Variants in SH3BGR observed in about 807,000 individuals in gnomAD.
The protein encoded by SH3BGR is SH3 domain-binding glutamic acid-rich protein.
A neutral mutation model predicts 24.5 loss-of-function variants in SH3BGR; 29 were observed. The ratio of observed to expected loss-of-function variants is 1.18; its 90% confidence interval spans 0.88 to 1.61. The LOEUF is 1.61. Among genes scored for constraint, SH3BGR ranks in the 40% most tolerant of loss-of-function variants. The pLI is 0.00. For synonymous variants in SH3BGR, 55 were observed against 65.7 expected (o/e 0.84, Z 0.79); for missense variants, 162 against 205.8 (o/e 0.79, Z 1.30).
At chr21:39,464,379 C>G (rs571857942) in intron 2 of SH3BGR, among the ~76,000 whole-genome samples, 1 of 152,110 alleles carries the variant, frequency 6.6e-6, no homozygotes, top group Non-Finnish European at 1.5e-5. Context: ...TGTGCCACTA[C>G]GCCTGGCTAA....
intron 2 of SH3BGR, among the ~76,000 whole-genome samples, chr21:39,463,632 T>G (rs114153991): frequency 0.014 from 2,116 of 152,362 alleles, 43 homozygotes; most frequent in African/African-American, 0.048. Context: ...AATTGTTTAC[T>G]GCCACTGTCT....
At chr21:39,464,361 T>C (rs2077806166) in intron 2 of SH3BGR, among the ~76,000 whole-genome samples, 1 of 152,206 alleles carries the variant, frequency 6.6e-6, no homozygotes, top group Non-Finnish European at 1.5e-5. Context: ...TAGCTGAGAT[T>C]ACAGGCGTGT....
In SH3BGR at chr21:39,467,966, C is replaced by A. The variant is rs146111170; in HGVS notation, c.231+5406C>A. Among the ~76,000 whole-genome samples the A allele has an allele frequency of 5.3e-5, 8 of 152,326 alleles. No homozygotes were observed. The East Asian group carries it at 1.5e-3, about 29-fold the overall frequency. On this transcript the variant is annotated intron_variant, in intron 2 of 6. Coordinates refer to ENST00000333634, the MANE Select transcript of SH3BGR (RefSeq NM_007341.3). The stretch of plus-strand genomic sequence containing the variant: ...GGCACAGTTGAGGCCAGGCTCCCCG[C>A]CTGACAGAGGAATGTGAACTGGAAA...
At position 39,473,181 on chromosome 21, in the gene SH3BGR, T is replaced by C. The variant is rs535736841; in HGVS notation, c.232-1954T>C. Among the ~76,000 whole-genome samples, 9 of 152,222 alleles carry C rather than the reference T, an allele frequency of 5.9e-5. 1 individual carries two copies. Among genetic ancestry groups the C allele is most frequent in the Non-Finnish European group, 1.3e-4 (9 of 68,034 alleles). On this transcript the variant is annotated intron_variant, in intron 2 of 6. Coordinates refer to ENST00000333634, the MANE Select transcript of SH3BGR (RefSeq NM_007341.3). ...ATTGTTCTTCAGCCTTCTGAAATTC[T>C]GAAGAAGGTATTTGGTCTTAAATTG...
At chr21:39,482,196 A>G (rs1328015088) in intron 3 of SH3BGR, among the ~76,000 whole-genome samples, 4 of 152,242 alleles carry the variant, frequency 2.6e-5, no homozygotes, top group African/African-American at 9.6e-5. Context: ...AAGAGGAGCA[A>G]GTTAAATAAT....
intron 3 of SH3BGR, 79 bp from the exon 4 acceptor site, chr21:39,499,744 A>T (rs2078461317): frequency 1.0e-6 from 1 of 992,076 alleles, no homozygotes; most frequent in East Asian, 2.5e-5. Flanking sequence ...TAAATAAGAA[A>T]GCCACAGCAT....
intron 3 of SH3BGR, among the ~76,000 whole-genome samples, chr21:39,493,468 G>C (rs1205864330): frequency 6.6e-6 from 1 of 152,146 alleles, no homozygotes; most frequent in Non-Finnish European, 1.5e-5. Context: ...TGTTTCATTG[G>C]TCTATGTGCC....
At chr21:39,492,481 T>TATATATAC (rs1310495973) in intron 3 of SH3BGR, among the ~76,000 whole-genome samples, 46 of 81,604 alleles carry the variant, frequency 5.6e-4, no homozygotes, top group African/African-American at 1.4e-3. Flanking sequence ...TATATATATA[T>TATATATAC]ACACACACAC....
rs1260156691 is a variant in SH3BGR at position 39,454,989 on chromosome 21, A to G, written c.45+2848A>G. 2.6e-5 allele frequency among the ~76,000 whole-genome samples: 4 copies of G among 152,198 alleles called. No homozygotes were observed. The East Asian group carries it at 7.7e-4, about 29-fold the overall frequency. Reference sequence around the variant, plus strand: ...CAGTTTGCAGATGAAGAAATTGGAGATCAGAGCCCTTGCTCAGAAAGCAGC... The same window carrying G: ...CAGTTTGCAGATGAAGAAATTGGAGGTCAGAGCCCTTGCTCAGAAAGCAGC... On this transcript the variant is annotated intron_variant, in intron 1 of 6. Coordinates refer to ENST00000333634, the MANE Select transcript of SH3BGR (RefSeq NM_007341.3).
intron 1 of SH3BGR, among the ~76,000 whole-genome samples, chr21:39,453,649 C>T (rs2077610194): frequency 6.6e-6 from 1 of 152,170 alleles, no homozygotes; most frequent in Non-Finnish European, 1.5e-5. Flanking sequence ...ATGTTCATCC[C>T]AGGGTCTTGG....
intron 3 of SH3BGR, among the ~76,000 whole-genome samples, chr21:39,496,458 C>G (rs1280459856): frequency 6.7e-6 from 1 of 149,650 alleles, no homozygotes; most frequent in Non-Finnish European, 1.5e-5. Flanking sequence ...CGAGATTGCG[C>G]CACCGCAGTC....
intron 1 of SH3BGR, among the ~76,000 whole-genome samples, chr21:39,457,246 T>TATATGATG (rs1330500470): frequency 7.0e-6 from 1 of 142,088 alleles, no homozygotes; most frequent in African/African-American, 2.6e-5. Context: ...ATAAAAATCT[T>TATATGATG]ATTATATTAT....
At chr21:39,464,136 A>G (rs2077800976) in intron 2 of SH3BGR, among the ~76,000 whole-genome samples, 3 of 152,210 alleles carry the variant, frequency 2.0e-5, no homozygotes, top group Admixed American at 2.0e-4. Context: ...TCATAAGGAC[A>G]GCAGTCATGG....
chr21:39,448,072 G>T (rs1232938123), upstream of SH3BGR, among the ~76,000 whole-genome samples: 1 of 152,024 alleles, frequency 6.6e-6, no homozygotes, highest in African/African-American at 2.4e-5. Flanking sequence ...TCCAATTTCT[G>T]CTTCCATCTT....
At chr21:39,471,197 A>G (rs2077934303) in intron 2 of SH3BGR, among the ~76,000 whole-genome samples, 1 of 151,228 alleles carries the variant, frequency 6.6e-6, no homozygotes, top group Admixed American at 6.6e-5. Context: ...CGATGTGTCT[A>G]GGTTTAGAGT....
At chr21:39,486,794 G>A (rs1275635637) in intron 3 of SH3BGR, among the ~76,000 whole-genome samples, 2 of 152,138 alleles carry the variant, frequency 1.3e-5, no homozygotes, top group South Asian at 2.1e-4. Flanking sequence ...TTGGCTCACT[G>A]CAACTTCCGC....
intron 4 of SH3BGR, among the ~76,000 whole-genome samples, chr21:39,508,456 C>A (rs2123546926): frequency 6.6e-6 from 1 of 152,272 alleles, no homozygotes; most frequent in African/African-American, 2.4e-5. Flanking sequence ...CCCACTCTTA[C>A]CTTGCAAATT....
At chr21:39,501,141 T>A (rs1368029209) in intron 4 of SH3BGR, among the ~76,000 whole-genome samples, 1 of 152,248 alleles carries the variant, frequency 6.6e-6, no homozygotes, top group East Asian at 1.9e-4. Flanking sequence ...GAACTTTGCA[T>A]GAGTTGCCTA....
chr21:39,447,417 T>A (rs113508792), upstream of SH3BGR, among the ~76,000 whole-genome samples: 49 of 79,942 alleles, frequency 6.1e-4, no homozygotes, highest in South Asian at 1.9e-3. Context: ...TCGCTTTTGC[T>A]TTTTTTTTTT....
Sources: allele counts gnomAD v4.1 joint callset (sites outside exome capture counted in the v4.1 genomes callset), GRCh38; gene constraint gnomAD v4.1.1; transcripts MANE v1.5; gene names NCBI Gene and HGNC (gene_info 2026-07-23, HGNC 2026-07-21).